PNPLA1: variants seen among roughly 807,000 people sequenced by gnomAD.
PNPLA1 encodes omega-hydroxyceramide transacylase.
In PNPLA1, 36 loss-of-function variants were observed where a neutral mutation model predicts 51.7. The observed-to-expected ratio is 0.70, with a 90% CI of 0.53 to 0.92. PNPLA1 has a LOEUF of 0.92. Among genes scored for constraint, PNPLA1 ranks in the 40% least tolerant of loss-of-function variants. The pLI, the probability that PNPLA1 is intolerant of heterozygous loss-of-function variation, is 0.00. For missense variants in PNPLA1, 658 were observed against 682.5 expected (o/e 0.96, Z 0.40); for synonymous variants, 293 against 280.1 (o/e 1.05, Z -0.46).
chr6:36,275,837 G>C (rs1770074697), intron 1 of PNPLA1, among the ~76,000 whole-genome samples: 1 of 151,942 alleles, frequency 6.6e-6, no homozygotes, highest in African/African-American at 2.4e-5. Context: ...TTTCTATTCT[G>C]GTCTTTTTGT....
chr6:36,310,600 G>A (rs1009653376), intron 8 of PNPLA1, among the ~76,000 whole-genome samples: 10 of 152,108 alleles, frequency 6.6e-5, no homozygotes, highest in South Asian at 4.1e-4. Context: ...TAGTACTTAC[G>A]TGCCCAGCAC....
chr6:36,277,852 A>T (rs1163364515), intron 1 of PNPLA1, among the ~76,000 whole-genome samples: 1 of 149,624 alleles, frequency 6.7e-6, no homozygotes, highest in Non-Finnish European at 1.5e-5. Context: ...TGACAGACAG[A>T]GACCATGTCT....
At position 36,270,316 on chromosome 6, in the gene PNPLA1, G is replaced by A; in HGVS notation, c.-144G>A. 1.2e-6 allele frequency: 1 copy of A among 826,518 alleles called. No homozygotes were observed. Among genetic ancestry groups the A allele is most frequent in the East Asian group, 2.7e-5 (1 of 37,400 alleles). 51.2% of individuals were successfully genotyped at this position (826,518 alleles called of 1,614,324 possible). ...TCCTGAGCAGCCTGTGGTTGCTCCA[G>A]CCGGGTAGAGACAGCCACATTCCAA... On this transcript the variant is annotated 5_prime_UTR_variant, in exon 1 of 9. Coordinates refer to ENST00000636260, the MANE Select transcript of PNPLA1 (RefSeq NM_001374623.1).
At chr6:36,251,387 G>T (rs192731799) in intron 1 of PNPLA1, among the ~76,000 whole-genome samples, 5 of 152,284 alleles carry the variant, frequency 3.3e-5, no homozygotes, top group Admixed American at 3.3e-4. Flanking sequence ...GTTGAGTGTG[G>T]TAACTGTTAC....
chr6:36,302,215 T>A lies in PNPLA1; in HGVS notation c.1130T>A (p.Val377Glu). Residue 377 changes from valine (V) to glutamate (E), a missense_variant, in exon 6 of 9, where the codon GTG (valine) becomes GAG (glutamate). Physicochemically the swap from Val to Glu is moderately radical, Grantham distance 121 (BLOSUM62 -2). Coordinates refer to ENST00000636260, the MANE Select transcript of PNPLA1 (RefSeq NM_001374623.1). Reference sequence around the variant, plus strand: ...ATGCCACCTGTATCATTCCCAGCTGTGCACAAGCCACCCAGCTCCACACCT... The same window carrying A: ...ATGCCACCTGTATCATTCCCAGCTGAGCACAAGCCACCCAGCTCCACACCT... ...SGMPPVSFPA[V>E]HKPPSSTPGS... The A allele has an allele frequency of 6.2e-7, 1 of 1,614,094 alleles. No individual in the cohort carries two copies. Among genetic ancestry groups the A allele is most frequent in the Non-Finnish European group, 8.5e-7 (1 of 1,180,002 alleles).
intron 1 of PNPLA1, among the ~76,000 whole-genome samples, chr6:36,282,212 G>GGGAAGGAAGGAA (rs147876798): frequency 0.014 from 1,526 of 108,694 alleles, 59 homozygotes; most frequent in African/African-American, 0.039. Flanking sequence ...AAGGAAGGAA[G>GGGAAGGAAGGAA]GGAAGGAAGG....
In PNPLA1 at chr6:36,313,578, T is replaced by G. The variant is rs1245533569; in HGVS notation, c.*1692T>G. ...AGCCATTCCAGGGAACAAAATGTAC[T>G]TTTGAGACCCTGAAAATGGTCAAAG... On this transcript the variant is annotated 3_prime_UTR_variant, in exon 9 of 9. Coordinates refer to ENST00000636260, the MANE Select transcript of PNPLA1 (RefSeq NM_001374623.1). Among the ~76,000 whole-genome samples, 2 of 152,176 alleles carry G rather than the reference T, an allele frequency of 1.3e-5. No individual in the cohort carries two copies. Among genetic ancestry groups the G allele is most frequent in the Non-Finnish European group, 2.9e-5 (2 of 68,028 alleles).
chr6:36,270,213 C>G lies in PNPLA1; in HGVS notation c.-247C>G, dbSNP rs958855791. Among the ~76,000 whole-genome samples, 11 of 152,228 alleles carry G rather than the reference C, an allele frequency of 7.2e-5. No homozygotes were observed. The highest frequency in any genetic ancestry group is 1.6e-4 in the Non-Finnish European group (11 of 68,036). On this transcript the variant is annotated 5_prime_UTR_variant, in exon 1 of 9. Transcript: ENST00000636260. ...AGACCCTGCTCACACACCGGGGGAG[C>G]CTTCTGCATCTCATTCTGGGGCCCC...
intron 1 of PNPLA1, among the ~76,000 whole-genome samples, chr6:36,284,191 A>G (rs1770405678): frequency 6.6e-6 from 1 of 152,236 alleles, no homozygotes. Flanking sequence ...CCTTGCTAGG[A>G]GCACAGGTGA....
Position 36,302,313 on chromosome 6 carries a change from T to G in PNPLA1, c.1228T>G (p.Ser410Ala), listed in dbSNP as rs748292302. 1.2e-6 allele frequency: 2 copies of G among 1,613,966 alleles called. No individual in the cohort carries two copies. The highest frequency in any genetic ancestry group is 1.7e-5 in the Admixed American group (1 of 60,002). Residue 410 changes from serine to alanine, a missense_variant, in exon 6 of 9, where the codon TCA (serine) becomes GCA (alanine). Physicochemically the swap from Ser to Ala is moderately conservative, Grantham distance 99 (BLOSUM62 1). Coordinates refer to ENST00000636260, the MANE Select transcript of PNPLA1 (RefSeq NM_001374623.1). ...SPQQQVQPSG[S>A]PARSLHSQAP... Reference sequence around the variant, plus strand: ...TCAGCAGCAGGTACAACCGTCTGGATCACCAGCCAGATCCCTACACTCTCA... The same window carrying G: ...TCAGCAGCAGGTACAACCGTCTGGAGCACCAGCCAGATCCCTACACTCTCA...
chr6:36,256,414 A>T lies in PNPLA1; in HGVS notation c.-81+13153A>T, dbSNP rs146506063. 3.6e-3 allele frequency among the ~76,000 whole-genome samples: 550 copies of T among 152,164 alleles called. 13 individuals carry two copies. The highest frequency in any genetic ancestry group is 0.024 in the East Asian group (122 of 5,182). On this transcript the variant is annotated intron_variant, in intron 1 of 7. Transcript: ENST00000312917. ...TCTTTACTTCAGAGTGTTATCACTT[A>T]TGATGCTCTAAGAAATTATCCCCCA...
At chr6:36,266,209 G>A (rs148470093), upstream of PNPLA1, among the ~76,000 whole-genome samples, 272 of 152,322 alleles carry the variant, frequency 1.8e-3, 1 homozygote, top group African/African-American at 6.1e-3. Flanking sequence ...CAGCCTGAAT[G>A]CAACCTTGAG....
chr6:36,290,173 A>G (rs942672369), intron 1 of PNPLA1, among the ~76,000 whole-genome samples: 1 of 152,238 alleles, frequency 6.6e-6, no homozygotes, highest in African/African-American at 2.4e-5. Flanking sequence ...AGCCATTGCT[A>G]CATGACACTA....
At chr6:36,295,509 T>A (rs1770833252) in intron 5 of PNPLA1, 85 bp downstream of exon 5, 1 of 1,413,120 alleles carries the variant, frequency 7.1e-7, no homozygotes, top group African/African-American at 1.4e-5. Context: ...GGAGGGGTAT[T>A]CCCCCCAGAT....
At chr6:36,275,050 A>G (rs1001058924) in intron 1 of PNPLA1, among the ~76,000 whole-genome samples, 3 of 152,098 alleles carry the variant, frequency 2.0e-5, no homozygotes, top group Admixed American at 6.6e-5. Context: ...TGTCAAATGT[A>G]TCCATCTTTT....
intron 1 of PNPLA1, among the ~76,000 whole-genome samples, chr6:36,245,047 C>T (rs1561843409): frequency 6.6e-6 from 1 of 152,202 alleles, no homozygotes; most frequent in Non-Finnish European, 1.5e-5. Context: ...CATCTCGAAG[C>T]GGGGCCCGCA....
chr6:36,286,349 G>A (rs1032331751), intron 1 of PNPLA1, among the ~76,000 whole-genome samples: 7 of 152,182 alleles, frequency 4.6e-5, no homozygotes, highest in Non-Finnish European at 1.0e-4. Context: ...TGGGCACAGT[G>A]GCTCATGCCT....
intron 7 of PNPLA1, among the ~76,000 whole-genome samples, chr6:36,306,783 T>C (rs1771251739): frequency 6.6e-6 from 1 of 152,196 alleles, no homozygotes; most frequent in Non-Finnish European, 1.5e-5. Flanking sequence ...ATCAAAGGCC[T>C]TCCTTACTCC....
intron 1 of PNPLA1, among the ~76,000 whole-genome samples, chr6:36,288,228 G>A (rs73421627): frequency 0.023 from 3,551 of 152,218 alleles, 140 homozygotes; most frequent in African/African-American, 0.075. Flanking sequence ...ATTTAGAAAA[G>A]CAATGAAACA....
Sources: gnomAD v4.1 joint callset for allele counts (sites outside exome capture counted in the v4.1 genomes callset) on GRCh38, gnomAD v4.1.1 for gene constraint, MANE v1.5 for transcripts, NCBI Gene and HGNC (gene_info 2026-07-23, HGNC 2026-07-21) for gene names.